BCAS1: variants seen among roughly 807,000 people sequenced by gnomAD.
The protein encoded by BCAS1 is brain enriched myelin associated protein 1.
In BCAS1, 46 loss-of-function variants were observed where a neutral mutation model predicts 65.4. The observed-to-expected ratio is 0.70, with a 90% confidence interval of 0.55 to 0.90. The LOEUF (loss-of-function observed/expected upper bound fraction) is 0.90. BCAS1 is among the 40% of genes least tolerant of loss of function. The pLI is 0.00. For synonymous variants in BCAS1, 298 were observed against 293.5 expected, an observed-to-expected ratio of 1.02 and a Z score of -0.16; for missense variants, 793 against 771.2, an observed-to-expected ratio of 1.03 and a Z score of -0.33.
chr20:53,962,152 G>T lies in BCAS1; in HGVS notation c.1486-4655C>A, dbSNP rs1253234786. 2.0e-5 allele frequency among the ~76,000 whole-genome samples: 3 copies of T among 152,154 alleles called. 1 individual carries two copies. Among genetic ancestry groups the T allele is most frequent in the Admixed American group, 2.0e-4 (3 of 15,278 alleles). Reference sequence around the variant, plus strand: ...TATTAACATTTTAATGCTCAGAGAAGAATTTCATATGGAAGACTTTCGGTT... The same window carrying T: ...TATTAACATTTTAATGCTCAGAGAATAATTTCATATGGAAGACTTTCGGTT... On this transcript the variant is annotated intron_variant, in intron 10 of 12. Transcript: ENST00000688948.
chr20:54,069,285 G>A (rs570608727), intron 1 of BCAS1, among the ~76,000 whole-genome samples: 1 of 152,256 alleles, frequency 6.6e-6, no homozygotes, highest in South Asian at 2.1e-4. Context: ...CAGCCATGGA[G>A]ATGAATAGTA....
Position 54,047,670 on chromosome 20 carries a change from T to C in BCAS1, c.142+10415A>G, listed in dbSNP as rs188323570. The stretch of plus-strand genomic sequence containing the variant: ...GGGAAAGAAGAAAGGAGAGTGCCTG[T>C]GAGTGTTACCAGTGGAGAGTTGTCC... On this transcript the variant is annotated intron_variant, in intron 3 of 12. Transcript: ENST00000688948. Among the ~76,000 whole-genome samples, 318 of 152,246 alleles carry C rather than the reference T, an allele frequency of 2.1e-3. 5 individuals are homozygous for C. Among genetic ancestry groups the C allele is most frequent in the Non-Finnish European group, 1.1e-3 (74 of 68,008 alleles).
At chr20:53,966,556 A>G (rs1383963643) in intron 10 of BCAS1, among the ~76,000 whole-genome samples, 2 of 152,202 alleles carry the variant, frequency 1.3e-5, no homozygotes, top group Admixed American at 6.5e-5. Context: ...CAGGTGCACT[A>G]AAGTCTCAGA....
chr20:53,986,159 C>T (rs529748854), intron 7 of BCAS1, among the ~76,000 whole-genome samples: 26 of 152,230 alleles, frequency 1.7e-4, no homozygotes, highest in Admixed American at 7.2e-4. Flanking sequence ...GTTATCCATT[C>T]GGTCTTTATT....
intron 3 of BCAS1, among the ~76,000 whole-genome samples, chr20:54,055,062 G>A (rs1287466145): frequency 6.6e-6 from 1 of 152,084 alleles, no homozygotes; most frequent in Non-Finnish European, 1.5e-5. Context: ...ATGGAGGATG[G>A]AGAGAAGGAT....
intron 9 of BCAS1, among the ~76,000 whole-genome samples, chr20:53,970,527 A>C (rs2090152720): frequency 6.6e-6 from 1 of 152,232 alleles, no homozygotes; most frequent in Non-Finnish European, 1.5e-5. Flanking sequence ...ATATGACCGC[A>C]TCTGCACATT....
At chr20:54,052,812 T>A (rs1195500015) in intron 3 of BCAS1, among the ~76,000 whole-genome samples, 1 of 152,202 alleles carries the variant, frequency 6.6e-6, no homozygotes, top group Non-Finnish European at 1.5e-5. Flanking sequence ...ATTTCTACTT[T>A]TTATAAATTA....
chr20:54,036,361 A>G, intron 3 of BCAS1, among the ~76,000 whole-genome samples: 1 of 151,450 alleles, frequency 6.6e-6, no homozygotes, highest in East Asian at 1.9e-4. Flanking sequence ...AAATATTTAG[A>G]AGGTAGAGTT....
intron 4 of BCAS1, among the ~76,000 whole-genome samples, chr20:53,997,190 C>T (rs1239008645): frequency 6.6e-6 from 1 of 152,222 alleles, no homozygotes; most frequent in Non-Finnish European, 1.5e-5. Flanking sequence ...TCCTCATACT[C>T]CCATTAGACT....
chr20:53,983,650 G>A (rs2090538764), intron 8 of BCAS1, among the ~76,000 whole-genome samples: 1 of 152,136 alleles, frequency 6.6e-6, no homozygotes, highest in Admixed American at 6.5e-5. Context: ...CTCTCCCTGG[G>A]GGCTCCTACC....
chr20:53,969,129 C>A (rs2090114694), intron 9 of BCAS1, among the ~76,000 whole-genome samples: 1 of 152,000 alleles, frequency 6.6e-6, no homozygotes, highest in Non-Finnish European at 1.5e-5. Flanking sequence ...ACATCTATAT[C>A]CCTCATCTAA....
At chr20:53,994,888 TACACACACACAC>T (rs11471603) in intron 6 of BCAS1, 112 bp downstream of exon 6, 14 of 556,816 alleles carry the variant, frequency 2.5e-5, no homozygotes, top group South Asian at 2.0e-4. Flanking sequence ...ATAGATATGA[TACACACACACAC>T]ACACACACAC....
At chr20:54,068,743 T>G (rs534073064) in intron 1 of BCAS1, among the ~76,000 whole-genome samples, 4 of 152,240 alleles carry the variant, frequency 2.6e-5, no homozygotes, top group African/African-American at 9.6e-5. Flanking sequence ...TCCACGTGAC[T>G]CAGGCACTCA....
chr20:53,967,359 A>T (rs759568491), intron 9 of BCAS1, among the ~76,000 whole-genome samples: 14 of 152,186 alleles, frequency 9.2e-5, no homozygotes, highest in Non-Finnish European at 1.3e-4. Flanking sequence ...GAGCATGCTC[A>T]ATACCCAATC....
chr20:53,953,859 T>C (rs942395180), intron 11 of BCAS1, among the ~76,000 whole-genome samples, 164 bp from the exon 12 acceptor site: 3 of 152,204 alleles, frequency 2.0e-5, no homozygotes, highest in African/African-American at 7.2e-5. Context: ...TGTGCACTTA[T>C]GAAGTCATGG....
chr20:54,028,248 T>G (rs1341532171), intron 4 of BCAS1, 144 bp downstream of exon 4: 1 of 757,812 alleles, frequency 1.3e-6, no homozygotes. Context: ...GACACTCTGC[T>G]GCAATGTGCT....
At chr20:54,069,288 G>T (rs145086020) in intron 1 of BCAS1, among the ~76,000 whole-genome samples, 35 of 152,268 alleles carry the variant, frequency 2.3e-4, no homozygotes, top group African/African-American at 7.7e-4. Context: ...CCATGGAGAT[G>T]AATAGTATTT....
intron 7 of BCAS1, among the ~76,000 whole-genome samples, chr20:53,986,777 G>A (rs2090626036): frequency 6.6e-6 from 1 of 152,016 alleles, no homozygotes; most frequent in South Asian, 2.1e-4. Flanking sequence ...TGCACCTGTG[G>A]TCCCAGCTAC....
intron 3 of BCAS1, among the ~76,000 whole-genome samples, chr20:54,031,372 A>T (rs973448149): frequency 6.6e-6 from 1 of 151,344 alleles, no homozygotes; most frequent in Non-Finnish European, 1.5e-5. Context: ...AGTGTTTTTG[A>T]CAATTTCTAA....
Sources: gnomAD v4.1 joint callset for allele counts (sites outside exome capture counted in the v4.1 genomes callset) on GRCh38, gnomAD v4.1.1 for gene constraint, MANE v1.5 for transcripts, NCBI Gene and HGNC (gene_info 2026-07-23, HGNC 2026-07-21) for gene names.